The following STK38L variants were observed in gnomAD, a reference collection of about 807,000 sequenced individuals.
The protein encoded by STK38L is serine/threonine-protein kinase 38-like.
In STK38L, 28 loss-of-function variants were observed where a neutral mutation model predicts 59.7. The ratio of observed to expected loss-of-function variants is 0.47; its 90% confidence interval spans 0.35 to 0.64. The LOEUF is 0.64. Among genes scored for constraint, STK38L ranks in the 30% least tolerant of loss-of-function variants. The pLI is 0.01. For synonymous variants in STK38L, 162 were observed against 176.8 expected, an observed-to-expected ratio of 0.92 and a Z score of 0.66; for missense variants, 314 against 555.8, an observed-to-expected ratio of 0.56 and a Z score of 4.37.
At chr12:27,307,452 T>C (rs1944345195) in intron 3 of STK38L, among the ~76,000 whole-genome samples, 1 of 152,240 alleles carries the variant, frequency 6.6e-6, no homozygotes, top group Admixed American at 6.5e-5. Context: ...AGAAGCAATG[T>C]TTCTAAGCTG....
chr12:27,273,219 T>C (rs1943461793), intron 1 of STK38L, among the ~76,000 whole-genome samples: 3 of 152,138 alleles, frequency 2.0e-5, no homozygotes. Context: ...ATTTATTTTA[T>C]GGAGAAGAAT....
At chr12:27,246,805 AT>A (rs1283161528) in intron 1 of STK38L, among the ~76,000 whole-genome samples, 4 of 152,150 alleles carry the variant, frequency 2.6e-5, no homozygotes, top group African/African-American at 7.2e-5. Context: ...TTGACAGGGT[AT>A]TATTGTTCAG....
chr12:27,310,873 C>A (rs1279939191), intron 5 of STK38L, among the ~76,000 whole-genome samples: 3 of 152,074 alleles, frequency 2.0e-5, no homozygotes, highest in Non-Finnish European at 2.9e-5. Flanking sequence ...TTGTTTTTTA[C>A]CCCTGTATAA....
At chr12:27,268,587 A>G (rs1485269635) in intron 1 of STK38L, among the ~76,000 whole-genome samples, 2 of 152,242 alleles carry the variant, frequency 1.3e-5, no homozygotes, top group Non-Finnish European at 2.9e-5. Flanking sequence ...ATACGTGTGC[A>G]TGTGTCTTTA....
chr12:27,311,347 T>G (rs988156179), intron 5 of STK38L, among the ~76,000 whole-genome samples: 6 of 152,210 alleles, frequency 3.9e-5, no homozygotes, highest in African/African-American at 1.4e-4. Context: ...TCTCAGAATA[T>G]TTACTGCACT....
At chr12:27,296,144 C>G (rs928889617) in intron 1 of STK38L, among the ~76,000 whole-genome samples, 5 of 151,946 alleles carry the variant, frequency 3.3e-5, no homozygotes, top group Admixed American at 1.3e-4. Context: ...ATCTTAAATC[C>G]TCAGGAGAAA....
At chr12:27,260,426 C>T (rs768955943) in intron 1 of STK38L, among the ~76,000 whole-genome samples, 10 of 152,094 alleles carry the variant, frequency 6.6e-5, no homozygotes, top group Admixed American at 2.0e-4. Context: ...GAAAGGGAAC[C>T]TAATAAGTGT....
intron 1 of STK38L, among the ~76,000 whole-genome samples, chr12:27,274,947 C>T (rs1166256550): frequency 6.6e-6 from 1 of 152,074 alleles, no homozygotes; most frequent in Admixed American, 6.5e-5. Context: ...TTACAGTAAA[C>T]CTCCCTTCCA....
rs1247126976 is a variant in STK38L at position 27,315,094 on chromosome 12, C to T, written c.752C>T (p.Thr251Ile). 6 of 1,613,628 alleles carry T rather than the reference C, an allele frequency of 3.7e-6. No homozygotes were observed. The highest frequency in any genetic ancestry group is 4.2e-6 in the Non-Finnish European group (5 of 1,179,782). Residue 251 changes from threonine to isoleucine, a missense_variant, in exon 8 of 14, where the codon ACA (threonine) becomes ATA (isoleucine). Physicochemically the swap from Thr to Ile is moderately conservative, Grantham distance 89. This residue lies in a region of STK38L where 192 missense variants were observed against 316.9 expected (regional missense o/e 0.61). Transcript: ENST00000389032. ...AHRTEFYRNLTHNPPSDFSFQ... is the reference protein window; with the variant it reads ...AHRTEFYRNLIHNPPSDFSFQ... The stretch of plus-strand genomic sequence containing the variant: ...AGGACTGAATTTTATAGAAATCTCA[C>T]ACACAACCCACCAAGTGACTTCTGT...
chr12:27,308,550 T>G lies in STK38L; in HGVS notation c.309+89T>G. ...TGTTAAAATATAATTCCTGGCTGGG[T>G]GCGGTGGCTCACGCCTGTAATCCCA... On this transcript the variant is annotated intron_variant, in intron 4 of 13. Coordinates refer to ENST00000389032, the MANE Select transcript of STK38L (RefSeq NM_015000.4). This position sits in a 1 kb window ranked among gnomAD's most constrained non-coding sequence, Gnocchi z 4.5. 5 of 1,287,606 alleles carry G rather than the reference T, an allele frequency of 3.9e-6. No individual in the cohort carries two copies. Among genetic ancestry groups the G allele is most frequent in the Non-Finnish European group, 5.0e-6 (5 of 995,318 alleles). 79.8% of individuals were successfully genotyped at this position (1,287,606 alleles called of 1,614,324 possible). A position where few individuals can be genotyped will look rare whatever the true frequency, so the allele number is the denominator to read the frequency against.
intron 1 of STK38L, among the ~76,000 whole-genome samples, chr12:27,289,752 C>G (rs903456369): frequency 6.6e-6 from 1 of 152,248 alleles, no homozygotes; most frequent in Admixed American, 6.5e-5. Context: ...GAGAATCACT[C>G]TTTTGTGAGA....
chr12:27,260,730 G>A (rs944179245), intron 1 of STK38L, among the ~76,000 whole-genome samples: 1 of 151,914 alleles, frequency 6.6e-6, no homozygotes, highest in Non-Finnish European at 1.5e-5. Context: ...ATTTAAAATT[G>A]TAATGCCTCT....
At chr12:27,262,232 A>G (rs1367583796) in intron 1 of STK38L, among the ~76,000 whole-genome samples, 1 of 152,224 alleles carries the variant, frequency 6.6e-6, no homozygotes, top group Non-Finnish European at 1.5e-5. Context: ...CCCAGACAAT[A>G]ATAATGCCAT....
chr12:27,274,720 G>A (rs1430535348), intron 1 of STK38L, among the ~76,000 whole-genome samples: 1 of 152,148 alleles, frequency 6.6e-6, no homozygotes, highest in Admixed American at 6.5e-5. Flanking sequence ...GAAAGACAGA[G>A]GGAGAAATAA....
chr12:27,283,056 G>C (rs572537777), intron 1 of STK38L, among the ~76,000 whole-genome samples: 1 of 152,304 alleles, frequency 6.6e-6, no homozygotes, highest in East Asian at 1.9e-4. Context: ...ACAGTGTCTA[G>C]CACAAAATAA....
rs573644498 is a variant in STK38L, at chr12:27,319,852, AGTT to A, written c.1175+433_1175+435del. The stretch of plus-strand genomic sequence containing the variant: ...AAGTAACTTTTAAGAATTTGCTTAC[AGTT>A]GTTAATTGTGAGCATTGGCTTTTTT... On this transcript the variant is annotated intron_variant, in intron 12 of 13. Transcript: ENST00000389032. Among the ~76,000 whole-genome samples, 8 of 152,308 alleles carry A rather than the reference AGTT, an allele frequency of 5.3e-5. No individual in the cohort carries two copies. The East Asian group carries it at 1.5e-3, about 29-fold the overall frequency.
At chr12:27,307,730 T>C (rs1944351533) in intron 3 of STK38L, among the ~76,000 whole-genome samples, 1 of 152,224 alleles carries the variant, frequency 6.6e-6, no homozygotes, top group African/African-American at 2.4e-5. Flanking sequence ...AAGTTATTTT[T>C]TGTGGTCTTT....
At chr12:27,292,863 A>G (rs990003775) in intron 1 of STK38L, among the ~76,000 whole-genome samples, 10 of 152,140 alleles carry the variant, frequency 6.6e-5, no homozygotes, top group Admixed American at 2.0e-4. Flanking sequence ...CTCATCTTCT[A>G]TTTACCTTCT....
chr12:27,322,883 A>C lies in STK38L; in HGVS notation c.*428A>C, dbSNP rs1417441408. 6.5e-6 allele frequency: 1 copy of C among 153,626 alleles called. No homozygotes were observed. The highest frequency in any genetic ancestry group is 1.4e-5 in the Non-Finnish European group (1 of 69,106). The allele number at this position is 153,626 out of a possible 1,614,324, so 9.5% of individuals were successfully genotyped here. On this transcript the variant is annotated 3_prime_UTR_variant, in exon 14 of 14. Coordinates refer to ENST00000389032, the MANE Select transcript of STK38L (RefSeq NM_015000.4). ...GTATTGATGTTTTACTGCAAATCTT[A>C]TGGGTCTAGATAATCAGTAAAAGCC...
Sources: gnomAD v4.1 joint callset for allele counts (sites outside exome capture counted in the v4.1 genomes callset) on GRCh38, gnomAD v4.1.1 for gene constraint, gnomAD v4.1.1 regional missense constraint, Gnocchi (gnomAD v3.1) non-coding constraint, MANE v1.5 for transcripts, NCBI Gene and HGNC (gene_info 2026-07-23, HGNC 2026-07-21) for gene names.